EPHB1: variants seen among roughly 807,000 people sequenced by gnomAD.
EPHB1 encodes ephrin type-B receptor 1.
A neutral mutation model predicts 94.4 loss-of-function variants in EPHB1; 30 were observed. That is an observed-to-expected ratio of 0.32 (90% confidence interval 0.24 to 0.43). The LOEUF (loss-of-function observed/expected upper bound fraction) is 0.43. EPHB1 is among the 20% of genes least tolerant of loss of function. The probability of loss-of-function intolerance (pLI) is 1.00; values close to 1 mark genes in which losing one functional copy is unlikely to be tolerated. For synonymous variants in EPHB1, 522 were observed against 489.1 expected (o/e 1.07, Z -0.89); for missense variants, 1,055 against 1,308.3 (o/e 0.81, Z 2.99).
intron 3 of EPHB1, among the ~76,000 whole-genome samples, chr3:135,104,386 C>A (rs1302023584): frequency 6.6e-6 from 1 of 152,210 alleles, no homozygotes; most frequent in Non-Finnish European, 1.5e-5. Flanking sequence ...GAGCTTCTCC[C>A]TTTCATGTTT....
At chr3:134,894,531 C>T (rs1031149420) in intron 1 of EPHB1, among the ~76,000 whole-genome samples, 3 of 152,316 alleles carry the variant, frequency 2.0e-5, no homozygotes, top group Admixed American at 2.0e-4. Flanking sequence ...TCTGTATTGT[C>T]CTTCTCCCTG....
intron 1 of EPHB1, among the ~76,000 whole-genome samples, chr3:134,816,864 G>A (rs938644722): frequency 2.0e-5 from 3 of 152,028 alleles, no homozygotes; most frequent in African/African-American, 7.2e-5. Context: ...GCGTCTCAGT[G>A]GTTAGGCAGC....
intron 12 of EPHB1, among the ~76,000 whole-genome samples, chr3:135,233,724 G>C (rs1943586883): frequency 6.6e-6 from 1 of 152,200 alleles, no homozygotes; most frequent in Admixed American, 6.5e-5. Flanking sequence ...ACTTCTGCCT[G>C]GACATGCAGG....
At chr3:134,965,207 C>T (rs1933685143) in intron 3 of EPHB1, among the ~76,000 whole-genome samples, 2 of 152,316 alleles carry the variant, frequency 1.3e-5, no homozygotes, top group South Asian at 2.1e-4. Context: ...AGAATTATTT[C>T]AAGCCTCCCT....
chr3:134,892,106 A>C (rs1255765679), intron 1 of EPHB1, among the ~76,000 whole-genome samples: 1 of 152,166 alleles, frequency 6.6e-6, no homozygotes, highest in Non-Finnish European at 1.5e-5. Flanking sequence ...TCTTTTTCAG[A>C]GTTGAATTTA....
At chr3:134,984,142 G>A (rs1370159245) in intron 3 of EPHB1, among the ~76,000 whole-genome samples, 1 of 152,218 alleles carries the variant, frequency 6.6e-6, no homozygotes, top group Non-Finnish European at 1.5e-5. Context: ...AGGAACTAGA[G>A]TAGAACCCCT....
At chr3:134,894,538 C>T (rs1201334737) in intron 1 of EPHB1, among the ~76,000 whole-genome samples, 1 of 152,176 alleles carries the variant, frequency 6.6e-6, no homozygotes, top group Non-Finnish European at 1.5e-5. Flanking sequence ...TGTCCTTCTC[C>T]CTGTCTAAAC....
intron 3 of EPHB1, among the ~76,000 whole-genome samples, chr3:134,962,380 T>G (rs1300024232): frequency 6.6e-6 from 1 of 152,216 alleles, no homozygotes; most frequent in Non-Finnish European, 1.5e-5. Context: ...CATCATCCTC[T>G]GTATGTACTC....
intron 3 of EPHB1, among the ~76,000 whole-genome samples, chr3:135,064,702 T>C (rs1230440068): frequency 6.6e-6 from 1 of 152,144 alleles, no homozygotes; most frequent in Non-Finnish European, 1.5e-5. Context: ...TTCAATTTCA[T>C]TTAATTCTGC....
chr3:135,220,594 CTTTT>C (rs78078993), intron 12 of EPHB1, among the ~76,000 whole-genome samples: 1 of 133,960 alleles, frequency 7.5e-6, no homozygotes, highest in Non-Finnish European at 1.6e-5. Flanking sequence ...TGTTGGAGGC[CTTTT>C]TTTTTTTTTT....
chr3:135,022,094 C>T (rs1360481239), intron 3 of EPHB1, among the ~76,000 whole-genome samples: 1 of 152,130 alleles, frequency 6.6e-6, no homozygotes, highest in Non-Finnish European at 1.5e-5. Flanking sequence ...ATTCTTCTGC[C>T]CCAGCCTCCC....
chr3:134,858,107 T>G (rs903954672), intron 1 of EPHB1, among the ~76,000 whole-genome samples: 5 of 152,090 alleles, frequency 3.3e-5, no homozygotes, highest in Admixed American at 6.5e-5. Flanking sequence ...TCCTTCAGGC[T>G]GAGGACTCTT....
rs935823530 is a variant in EPHB1, at chr3:134,994,448, GTTC to G, written c.805+42403_805+42405del. On this transcript the variant is annotated intron_variant, in intron 3 of 15. Coordinates refer to ENST00000398015, the MANE Select transcript of EPHB1 (RefSeq NM_004441.5). ...CTTCTGTCATCCCGTGCCTGGGAAT[GTTC>G]TTCTTCCTCACAGTACTTCCAGACT... Among the ~76,000 whole-genome samples, 10 of 152,268 alleles carry G rather than the reference GTTC, an allele frequency of 6.6e-5. No homozygotes were observed. The East Asian group carries it at 1.9e-3, about 29-fold the overall frequency.
intron 12 of EPHB1, 78 bp downstream of exon 12, chr3:135,201,767 G>C: frequency 1.5e-6 from 2 of 1,377,334 alleles, no homozygotes; most frequent in Non-Finnish European, 2.0e-6. Context: ...AACTGTGACA[G>C]GGCACACTGG....
At chr3:134,957,062 G>A (rs1933305309) in intron 3 of EPHB1, among the ~76,000 whole-genome samples, 1 of 152,182 alleles carries the variant, frequency 6.6e-6, no homozygotes. Context: ...GTCTAGGCAG[G>A]TGGTCTTTGT....
At chr3:135,244,260 G>A (rs188598272) in intron 13 of EPHB1, among the ~76,000 whole-genome samples, 2 of 152,254 alleles carry the variant, frequency 1.3e-5, no homozygotes, top group South Asian at 2.1e-4. Context: ...ATCCCAGGAC[G>A]TTTGCTTACA....
intron 7 of EPHB1, among the ~76,000 whole-genome samples, chr3:135,164,713 A>G (rs1215206169): frequency 1.3e-5 from 2 of 151,284 alleles, no homozygotes; most frequent in Non-Finnish European, 2.9e-5. Flanking sequence ...GGAGGCTGAG[A>G]CATTAGAATT....
At chr3:134,806,947 C>T (rs960067749) in intron 1 of EPHB1, among the ~76,000 whole-genome samples, 1 of 152,176 alleles carries the variant, frequency 6.6e-6, no homozygotes, top group Non-Finnish European at 1.5e-5. Context: ...GGAAGGGAGG[C>T]CCTCTCTGTC....
intron 15 of EPHB1, among the ~76,000 whole-genome samples, chr3:135,257,956 G>A (rs551267624): frequency 5.2e-4 from 79 of 152,272 alleles, no homozygotes; most frequent in African/African-American, 1.8e-3. Flanking sequence ...GCAGTATTCG[G>A]GTGGGAGTGA....
Sources: gnomAD v4.1 joint callset for allele counts (sites outside exome capture counted in the v4.1 genomes callset) on GRCh38, gnomAD v4.1.1 for gene constraint, MANE v1.5 for transcripts, NCBI Gene and HGNC (gene_info 2026-07-23, HGNC 2026-07-21) for gene names.